Variants in CNGB3 observed in about 807,000 individuals in gnomAD.
CNGB3 encodes the protein cyclic nucleotide gated channel subunit beta 3, also known as cyclic nucleotide-gated channel beta-3.
Under a neutral mutation model 92.8 loss-of-function variants are expected in CNGB3, and 86 were observed. That is an observed-to-expected ratio of 0.93 (90% CI 0.78 to 1.11). The LOEUF (loss-of-function observed/expected upper bound fraction) is 1.11, where lower values mean the gene tolerates loss of function less well. Ranked by LOEUF, CNGB3 falls within the 50% of genes least tolerant of loss-of-function variation. The pLI is 0.00. For synonymous variants in CNGB3, 333 were observed against 332.7 expected, an observed-to-expected ratio of 1.00 and a Z score of -0.01; for missense variants, 1,026 against 956.8, an observed-to-expected ratio of 1.07 and a Z score of -0.95.
intron 10 of CNGB3, among the ~76,000 whole-genome samples, chr8:86,635,403 A>C (rs557153745): frequency 3.9e-5 from 6 of 152,124 alleles, no homozygotes; most frequent in Non-Finnish European, 8.8e-5. Context: ...TAACAGGAAC[A>C]AACATAAGAA....
chr8:86,723,363 ATACT>A (rs1443087841), intron 3 of CNGB3, among the ~76,000 whole-genome samples: 1 of 152,136 alleles, frequency 6.6e-6, no homozygotes, highest in Non-Finnish European at 1.5e-5. Context: ...AATCAATCAA[ATACT>A]TAATTTTTTT....
chr8:86,714,709 T>C (rs1586032557), intron 3 of CNGB3, among the ~76,000 whole-genome samples: 1 of 152,152 alleles, frequency 6.6e-6, no homozygotes, highest in South Asian at 2.1e-4. Flanking sequence ...AAACTGAGTC[T>C]GTTTGCTGTC....
intron 3 of CNGB3, among the ~76,000 whole-genome samples, chr8:86,696,544 T>C (rs1290092411): frequency 6.6e-6 from 1 of 152,242 alleles, no homozygotes. Flanking sequence ...CAAAAGTTCA[T>C]AATGTGTGTC....
At chr8:86,676,896 T>C (rs1162319656) in intron 3 of CNGB3, among the ~76,000 whole-genome samples, 4 of 152,214 alleles carry the variant, frequency 2.6e-5, no homozygotes, top group African/African-American at 9.7e-5. Context: ...TTGCATCTGC[T>C]CATGAATATA....
chr8:86,658,465 C>T (rs1823563847), intron 6 of CNGB3: 2 of 411,314 alleles, frequency 4.9e-6, no homozygotes, highest in Non-Finnish European at 4.6e-6. Flanking sequence ...CCTTGGCAGG[C>T]CATCTTGGCC....
chr8:86,592,462 G>A (rs573188557), intron 15 of CNGB3, among the ~76,000 whole-genome samples: 1 of 152,146 alleles, frequency 6.6e-6, no homozygotes, highest in Non-Finnish European at 1.5e-5. Flanking sequence ...ATCTTGTGAG[G>A]TGGTCATGTA....
At chr8:86,658,992 G>T (rs1563744151) in intron 6 of CNGB3, 1 of 1,062,192 alleles carries the variant, frequency 9.4e-7, no homozygotes. Context: ...GAGCTGTCCT[G>T]CCAGACCCTC....
chr8:86,673,791 A>AT (rs1182762203), intron 3 of CNGB3, among the ~76,000 whole-genome samples: 4 of 34,292 alleles, frequency 1.2e-4, no homozygotes, highest in East Asian at 0.016. Flanking sequence ...GGCATGAAAA[A>AT]ATTTTTTGTG....
At chr8:86,642,538 T>C (rs1223133374) in intron 10 of CNGB3, among the ~76,000 whole-genome samples, 1 of 151,670 alleles carries the variant, frequency 6.6e-6, no homozygotes, top group Non-Finnish European at 1.5e-5. Context: ...TAAGTTATTT[T>C]CCCTCTCTTT....
chr8:86,689,934 T>A (rs1824274377), intron 3 of CNGB3, among the ~76,000 whole-genome samples: 1 of 152,220 alleles, frequency 6.6e-6, no homozygotes. Flanking sequence ...GGTGTATATG[T>A]GCCACATTTT....
chr8:86,620,080 G>C (rs537108226), intron 13 of CNGB3, among the ~76,000 whole-genome samples: 1 of 152,150 alleles, frequency 6.6e-6, no homozygotes, highest in East Asian at 1.9e-4. Flanking sequence ...TCAGTGATCC[G>C]GATAGGGTTG....
chr8:86,632,914 C>T (rs751902700), intron 10 of CNGB3, 21 bp from the exon 11 acceptor site: 6 of 1,610,760 alleles, frequency 3.7e-6, no homozygotes, highest in East Asian at 2.2e-5. Flanking sequence ...AGAAGATATA[C>T]ATTTTGCTTT....
chr8:86,740,076 C>A (rs984048392), intron 1 of CNGB3, among the ~76,000 whole-genome samples: 7 of 152,108 alleles, frequency 4.6e-5, no homozygotes, highest in African/African-American at 1.7e-4. Context: ...GCAGTTTGGT[C>A]CCATTCACAC....
intron 3 of CNGB3, among the ~76,000 whole-genome samples, chr8:86,689,732 C>T (rs961021351): frequency 3.3e-5 from 5 of 150,758 alleles, no homozygotes; most frequent in African/African-American, 1.2e-4. Flanking sequence ...CCACAACAGG[C>T]CCTGGTGTGT....
At chr8:86,675,810 AGC>A (rs1823955738) in intron 3 of CNGB3, among the ~76,000 whole-genome samples, 1 of 152,214 alleles carries the variant, frequency 6.6e-6, no homozygotes, top group Admixed American at 6.5e-5. Context: ...TTTTTTAAAA[AGC>A]TGATGAAAAA....
chr8:86,725,275 A>G (rs1825041134), intron 3 of CNGB3, among the ~76,000 whole-genome samples: 1 of 152,160 alleles, frequency 6.6e-6, no homozygotes, highest in African/African-American at 2.4e-5. Context: ...TTGTAGTCTA[A>G]TATTAGGAGA....
At chr8:86,656,547 T>C (rs1823508321) in intron 6 of CNGB3, among the ~76,000 whole-genome samples, 3 of 152,168 alleles carry the variant, frequency 2.0e-5, no homozygotes, top group Admixed American at 1.3e-4. Flanking sequence ...CCCCACTTAA[T>C]TATCTCTCCC....
At chr8:86,600,603 C>A (rs894622521) in intron 15 of CNGB3, among the ~76,000 whole-genome samples, 1 of 144,650 alleles carries the variant, frequency 6.9e-6, no homozygotes, top group Non-Finnish European at 1.5e-5. Flanking sequence ...ATTCTAGTTC[C>A]TTTTTTTTTT....
At chr8:86,717,228 C>T (rs961028905) in intron 3 of CNGB3, among the ~76,000 whole-genome samples, 2 of 151,958 alleles carry the variant, frequency 1.3e-5, no homozygotes, top group Admixed American at 6.6e-5. Context: ...ACAATTACTA[C>T]TAGACCTAAG....
Sources: allele counts gnomAD v4.1 joint callset (sites outside exome capture counted in the v4.1 genomes callset), GRCh38; gene constraint gnomAD v4.1.1; transcripts MANE v1.5; gene names NCBI Gene and HGNC (gene_info 2026-07-23, HGNC 2026-07-21).